The following EPHA3 variants were observed in gnomAD, a reference collection of about 807,000 sequenced individuals.
EPHA3 encodes the protein ephrin type-A receptor 3.
Under a neutral mutation model 107.1 loss-of-function variants are expected in EPHA3, and 42 were observed. That is an observed-to-expected ratio of 0.39 (90% confidence interval 0.31 to 0.51). The LOEUF is 0.51. EPHA3 is among the 20% of genes least tolerant of loss of function. The pLI, the probability that EPHA3 is intolerant of heterozygous loss-of-function variation, is 0.78. For missense variants in EPHA3, 1,183 were observed against 1,211.2 expected (o/e 0.98, Z 0.35); for synonymous variants, 461 against 424.8 (o/e 1.09, Z -1.05).
chr3:89,446,240 G>A (rs1297679457), intron 13 of EPHA3, among the ~76,000 whole-genome samples: 1 of 152,042 alleles, frequency 6.6e-6, no homozygotes, highest in Non-Finnish European at 1.5e-5. Context: ...ATAAGTCCCA[G>A]GCAAGTTAAG....
intron 3 of EPHA3, among the ~76,000 whole-genome samples, chr3:89,258,008 A>G (rs997869487): frequency 1.8e-4 from 28 of 152,248 alleles, no homozygotes; most frequent in African/African-American, 6.8e-4. Context: ...GAAAGATTTA[A>G]TGAACACTAA....
intron 5 of EPHA3, among the ~76,000 whole-genome samples, chr3:89,344,770 C>G (rs754347009): frequency 2.0e-5 from 3 of 152,070 alleles, no homozygotes; most frequent in Non-Finnish European, 4.4e-5. Flanking sequence ...TTTGTGAGAT[C>G]GAGTTTGTTG....
At chr3:89,440,636 T>A (rs993122552) in intron 13 of EPHA3, among the ~76,000 whole-genome samples, 2 of 152,214 alleles carry the variant, frequency 1.3e-5, no homozygotes, top group African/African-American at 4.8e-5. Context: ...GGGAACTGAA[T>A]TGCAGAATCT....
intron 5 of EPHA3, among the ~76,000 whole-genome samples, chr3:89,376,801 A>G (rs1161703820): frequency 2.0e-5 from 3 of 152,092 alleles, no homozygotes; most frequent in Non-Finnish European, 4.4e-5. Flanking sequence ...CCTTAAATGA[A>G]CATTGGTAGT....
At chr3:89,132,087 A>G (rs773371360) in intron 2 of EPHA3, among the ~76,000 whole-genome samples, 1 of 152,208 alleles carries the variant, frequency 6.6e-6, no homozygotes, top group Non-Finnish European at 1.5e-5. Flanking sequence ...AGTGATTTCT[A>G]GGAAAGGTTT....
intron 11 of EPHA3, among the ~76,000 whole-genome samples, chr3:89,428,289 C>A (rs1362066780): frequency 4.0e-5 from 6 of 151,842 alleles, no homozygotes; most frequent in Non-Finnish European, 7.4e-5. Context: ...GTTAATTAGC[C>A]TCTGTGTCTC....
rs1342654553 is a variant in EPHA3 at position 89,342,044 on chromosome 3, C to A, written c.1260C>A (p.Ser420=). ...DAVNGVSELS[S]PPRQFAAVSI... is the part of the protein sequence containing the mutation. ...TTAATGGGGTGTCAGAGCTGAGCTC[C>A]CCACCAAGACAGTTTGCTGCGGTCA... The change falls in exon 5 of 17, where the codon TCC becomes TCA. Residue 420 remains serine, a synonymous_variant. Transcript: ENST00000336596. 1 of 1,611,306 alleles carries A rather than the reference C, an allele frequency of 6.2e-7. No individual in the cohort carries two copies. The highest frequency in any genetic ancestry group is 2.2e-5 in the East Asian group (1 of 44,812).
chr3:89,429,141 A>G lies in EPHA3; in HGVS notation c.2110A>G (p.Asn704Asp), dbSNP rs1381031176. 2.5e-6 allele frequency: 4 copies of G among 1,610,966 alleles called. No homozygotes were observed. The Admixed American group carries it at 6.7e-5, about 27-fold the overall frequency. The change falls in exon 12 of 17, where the codon AAT becomes GAT. Residue 704 changes from asparagine to aspartate, a missense_variant. Transcript: ENST00000336596. Reference protein sequence around the residue: ...PVMIVTEYMENGSLDSFLRKH... With the variant: ...PVMIVTEYMEDGSLDSFLRKH... ...TATGATTGTCACAGAATACATGGAG[A>G]ATGGTTCCTTGGATAGTTTCCTACG...
intron 3 of EPHA3, among the ~76,000 whole-genome samples, chr3:89,240,213 G>T (rs1704861579): frequency 6.6e-6 from 1 of 152,154 alleles, no homozygotes; most frequent in Non-Finnish European, 1.5e-5. Flanking sequence ...CTCAGATGAT[G>T]ATTTTCTGTT....
intron 3 of EPHA3, among the ~76,000 whole-genome samples, chr3:89,225,804 A>G (rs1157233437): frequency 1.3e-5 from 2 of 152,160 alleles, no homozygotes; most frequent in Non-Finnish European, 2.9e-5. Context: ...AAGTACATAG[A>G]ATGAGTATAG....
At chr3:89,442,864 T>C (rs1709810909) in intron 13 of EPHA3, among the ~76,000 whole-genome samples, 1 of 152,208 alleles carries the variant, frequency 6.6e-6, no homozygotes, top group South Asian at 2.1e-4. Flanking sequence ...AAGTCTTGTG[T>C]GCCTGTTAAA....
rs533981637 is a variant in EPHA3, at chr3:89,392,858, TAA to T, written c.1307-2973_1307-2972del. ...ATATTCTAAATTGTGTCACAGCACA[TAA>T]AAAAATCGATAAATTATACCTCAAA... On this transcript the variant is annotated intron_variant, in intron 5 of 16. Transcript: ENST00000336596. Among the ~76,000 whole-genome samples the T allele has an allele frequency of 3.1e-3, 478 of 152,134 alleles. 3 individuals carry two copies. Among genetic ancestry groups the T allele is most frequent in the African/African-American group, 0.011 (467 of 41,522 alleles).
chr3:89,118,512 A>G (rs1431855210), intron 1 of EPHA3, among the ~76,000 whole-genome samples: 1 of 151,972 alleles, frequency 6.6e-6, no homozygotes, highest in Admixed American at 6.6e-5. Context: ...TTGGAAATTA[A>G]CTAAGCATGT....
intron 3 of EPHA3, among the ~76,000 whole-genome samples, chr3:89,252,990 G>A (rs1705198661): frequency 6.6e-6 from 1 of 151,710 alleles, no homozygotes; most frequent in African/African-American, 2.4e-5. Context: ...ACTTCTCTCT[G>A]CCCCCAACTT....
At chr3:89,457,013 A>G (rs1347510553) in intron 15 of EPHA3, among the ~76,000 whole-genome samples, 3 of 152,200 alleles carry the variant, frequency 2.0e-5, no homozygotes, top group Non-Finnish European at 4.4e-5. Context: ...TTATTAGAGC[A>G]AAAATAAAAG....
Position 89,472,574 on chromosome 3 carries a change from G to T in EPHA3, c.2801G>T (p.Gly934Val). 2 of 1,614,070 alleles carry T rather than the reference G, an allele frequency of 1.2e-6. No individual in the cohort carries two copies. Among genetic ancestry groups the T allele is most frequent in the Non-Finnish European group, 1.7e-6 (2 of 1,179,962 alleles). ...WTAHCKEIFT[G>V]VEYSSCDTIA... ...GCACACTGCAAGGAAATCTTCACGG[G>T]TGTGGAGTACAGTTCTTGTGACACA... Residue 934 changes from glycine to valine, a missense_variant, in exon 16 of 17, where the codon GGT (glycine) becomes GTT (valine). By Grantham distance (109) the Gly-to-Val change is moderately radical. Coordinates refer to ENST00000336596, the MANE Select transcript of EPHA3 (RefSeq NM_005233.6).
At chr3:89,368,051 A>G (rs920394608) in intron 5 of EPHA3, among the ~76,000 whole-genome samples, 2 of 150,566 alleles carry the variant, frequency 1.3e-5, no homozygotes, top group African/African-American at 2.4e-5. Flanking sequence ...GCCTTATCCA[A>G]TAGGCATTTT....
chr3:89,329,083 G>A (rs1460148264), intron 3 of EPHA3, among the ~76,000 whole-genome samples: 2 of 152,220 alleles, frequency 1.3e-5, no homozygotes, highest in African/African-American at 2.4e-5. Context: ...TATCCTGAAT[G>A]AGTATCTCAA....
At chr3:89,280,605 C>T (rs1044653900) in intron 3 of EPHA3, among the ~76,000 whole-genome samples, 5 of 152,066 alleles carry the variant, frequency 3.3e-5, no homozygotes, top group Admixed American at 6.6e-5. Context: ...AGCAATGCAT[C>T]AATGTAGTTA....
Sources: allele counts gnomAD v4.1 joint callset (sites outside exome capture counted in the v4.1 genomes callset), GRCh38; gene constraint gnomAD v4.1.1; transcripts MANE v1.5; gene names NCBI Gene and HGNC (gene_info 2026-07-23, HGNC 2026-07-21).